Variants in TECPR1 observed in about 807,000 individuals in gnomAD.
The protein encoded by TECPR1 is tectonin beta-propeller repeat-containing protein 1.
Under a neutral mutation model 162.4 loss-of-function variants are expected in TECPR1, and 122 were observed. The ratio of observed to expected loss-of-function variants is 0.75; its 90% CI spans 0.65 to 0.87. The LOEUF (loss-of-function observed/expected upper bound fraction) is 0.87, where lower values mean the gene tolerates loss of function less well. TECPR1 is among the 40% of genes least tolerant of loss of function. TECPR1 has a pLI of 0.00. For missense variants in TECPR1, 1,432 were observed against 1,618.2 expected, an observed-to-expected ratio of 0.88 and a Z score of 1.97; for synonymous variants, 642 against 670.6, an observed-to-expected ratio of 0.96 and a Z score of 0.66.
In TECPR1 at chr7:98,229,088, G is replaced by A. The variant is rs1338786620; in HGVS notation, c.2361C>T (p.Asp787=). Residue 787 remains aspartate, a synonymous_variant, in exon 16 of 26, where the codon GAC becomes GAT. Transcript: ENST00000447648. The stretch of plus-strand genomic sequence containing the variant: ...CGCCTGTGTATACCCAGGCCGTGTG[G>A]TCATAGCCGATGCCCCACACCACGC... The part of the protein sequence containing the change: ...SRGVVWGIGY[D]HTAWVYTGGY... The A allele has an allele frequency of 6.3e-7, 1 of 1,587,588 alleles. No homozygotes were observed. The highest frequency in any genetic ancestry group is 1.8e-5 in the Admixed American group (1 of 55,760).
chr7:98,229,336 C>T (rs933284193), intron 15 of TECPR1, among the ~76,000 whole-genome samples, 170 bp from the exon 16 acceptor site: 3 of 152,186 alleles, frequency 2.0e-5, no homozygotes, highest in African/African-American at 4.8e-5. Flanking sequence ...TTAATCAACG[C>T]TAAAAAGACT....
At chr7:98,220,657 C>G (rs543243417) in intron 23 of TECPR1, among the ~76,000 whole-genome samples, 154 of 151,954 alleles carry the variant, frequency 1.0e-3, no homozygotes, top group African/African-American at 3.6e-3. Context: ...CTCTGGGGTT[C>G]ACGCCATTCT....
chr7:98,227,749 G>A (rs1365593355), intron 17 of TECPR1, among the ~76,000 whole-genome samples: 1 of 150,698 alleles, frequency 6.6e-6, no homozygotes, highest in Non-Finnish European at 1.5e-5. Context: ...TTGAACCCAG[G>A]AGGCGGAGGT....
chr7:98,231,275 C>T lies in TECPR1; in HGVS notation c.2073G>A (p.Gln691=), dbSNP rs368769153. The T allele has an allele frequency of 1.2e-5, 20 of 1,613,028 alleles. No individual in the cohort carries two copies. In the African/African-American group the frequency reaches 2.1e-4, roughly 17 times the overall value. ...CAGCAGCCAGACGCACCGGCCACCTCTGCCGTGTCCGCTCAGGGGTGTACA... is the reference window on the plus strand; with the variant it reads ...CAGCAGCCAGACGCACCGGCCACCTTTGCCGTGTCCGCTCAGGGGTGTACA... ...FALYTPERTR[Q]RWPVRLAAAT... Residue 691 remains glutamine, a synonymous_variant, in exon 14 of 26, where the codon CAG becomes CAA. Transcript: ENST00000447648.
intron 23 of TECPR1, among the ~76,000 whole-genome samples, chr7:98,219,619 CG>C (rs1484188086): frequency 1.3e-5 from 2 of 152,156 alleles, no homozygotes; most frequent in South Asian, 2.1e-4. Context: ...AGAAGATATG[CG>C]GCTGGGCGCG....
chr7:98,225,788 G>T (rs1227359897), intron 17 of TECPR1, among the ~76,000 whole-genome samples: 1 of 151,996 alleles, frequency 6.6e-6, no homozygotes, highest in African/African-American at 2.4e-5. Context: ...TGAGTAGCTG[G>T]GACCACAGAC....
rs768764030 is a variant in TECPR1 at position 98,241,266 on chromosome 7, C to T, written c.658-22G>A. The T allele has an allele frequency of 3.1e-6, 5 of 1,611,454 alleles. No homozygotes were observed. Among genetic ancestry groups the T allele is most frequent in the African/African-American group, 2.7e-5 (2 of 74,982 alleles). ...ACACCTGGGAGGCAAGACAGGGACA[C>T]AGCACCTGCATCAACTCATTCACAC... On this transcript the variant is annotated intron_variant, in intron 6 of 25. Transcript: ENST00000447648. The surrounding 1 kb of genome is among the most constrained non-coding windows in gnomAD (Gnocchi z 5.0).
At chr7:98,239,405 A>T (rs1312312576) in intron 8 of TECPR1, among the ~76,000 whole-genome samples, 1 of 151,986 alleles carries the variant, frequency 6.6e-6, no homozygotes, top group Non-Finnish European at 1.5e-5. Context: ...TACTACAAAT[A>T]CTAGTCAGGT....
intron 10 of TECPR1, among the ~76,000 whole-genome samples, chr7:98,235,523 T>TC (rs1178284565): frequency 7.7e-5 from 9 of 116,684 alleles, no homozygotes; most frequent in Non-Finnish European, 1.2e-4. Flanking sequence ...AGACTCCGTC[T>TC]AAAAAAAAAA....
rs755077077 is a variant in TECPR1, at chr7:98,231,262, G to A, written c.2086C>T (p.Arg696Cys). 5.6e-6 allele frequency: 9 copies of A among 1,612,794 alleles called. No homozygotes were observed. Among genetic ancestry groups the A allele is most frequent in the Middle Eastern group, 3.3e-4 (2 of 6,084 alleles). Residue 696 changes from arginine (R) to cysteine (C), a missense_variant, in exon 14 of 26, where the codon CGT becomes TGT. Transcript: ENST00000447648. The part of the protein sequence containing the change: ...PERTRQRWPV[R>C]LAAATEQDMN... ...TCCTGCTCGGTGGCAGCAGCCAGAC[G>A]CACCGGCCACCTCTGCCGTGTCCGC...
At chr7:98,245,535 G>A (rs1016630699) in intron 3 of TECPR1, among the ~76,000 whole-genome samples, 1 of 152,128 alleles carries the variant, frequency 6.6e-6, no homozygotes, top group Non-Finnish European at 1.5e-5. Context: ...TGCAGGGCAC[G>A]ATTATGGCTC....
Position 98,248,141 on chromosome 7 carries a change from G to A in TECPR1, c.-19-1976C>T, listed in dbSNP as rs143298149. ...CCATAGTGCTGTTGCACCCAGGGGT[G>A]TCCTTCCTGGAGTCCTGGCTCCTGA... On this transcript the variant is annotated intron_variant, in intron 2 of 25. Transcript: ENST00000447648. Among the ~76,000 whole-genome samples the A allele has an allele frequency of 3.0e-3, 460 of 152,338 alleles. 1 individual carries two copies. The highest frequency in any genetic ancestry group is 0.011 in the African/African-American group (447 of 41,586).
At chr7:98,245,332 G>A (rs1369612447) in intron 3 of TECPR1, among the ~76,000 whole-genome samples, 1 of 152,254 alleles carries the variant, frequency 6.6e-6, no homozygotes, top group Non-Finnish European at 1.5e-5. Flanking sequence ...AGGGCAGGCG[G>A]TGGAGGGCAC....
intron 2 of TECPR1, among the ~76,000 whole-genome samples, chr7:98,247,776 ACAGTGGTGCAAT>A (rs1246915325): frequency 3.3e-5 from 5 of 151,940 alleles, no homozygotes; most frequent in Non-Finnish European, 7.4e-5. Context: ...AGACTGGAGT[ACAGTGGTGCAAT>A]CATAGCTCAC....
rs771531500 is a variant in TECPR1 at position 98,231,318 on chromosome 7, G to C, written c.2030C>G (p.Thr677Ser). 9 of 1,611,850 alleles carry C rather than the reference G, an allele frequency of 5.6e-6. No individual in the cohort carries two copies. In the South Asian group the frequency reaches 9.9e-5, roughly 18 times the overall value. ...VVALVPVLNE[T>S]KHSFALYTPE... ...GGTGTACAGGGCAAAGGAGTGCTTG[G>C]TCTCGTTCAGCACTGGGACCAGCGC... Residue 677 changes from threonine (T) to serine (S), a missense_variant, in exon 14 of 26, where the codon ACC (threonine) becomes AGC (serine). Physicochemically the swap from Thr to Ser is moderately conservative, Grantham distance 58 (BLOSUM62 1). Transcript: ENST00000447648.
At chr7:98,248,663 G>A (rs1044921320) in intron 2 of TECPR1, among the ~76,000 whole-genome samples, 5 of 150,186 alleles carry the variant, frequency 3.3e-5, no homozygotes, top group African/African-American at 9.8e-5. Context: ...CCAGCATGGT[G>A]AGACTCCATC....
chr7:98,236,965 CG>C, intron 9 of TECPR1, 44 bp from the exon 10 acceptor site: 1 of 1,483,212 alleles, frequency 6.7e-7, no homozygotes. Flanking sequence ...GGCGCAGGCC[CG>C]GGGGCTCTTC....
Position 98,232,893 on chromosome 7 carries a change from C to A in TECPR1, c.1752G>T (p.Gln584His). 1 of 1,612,974 alleles carries A rather than the reference C, an allele frequency of 6.2e-7. No homozygotes were observed. Among genetic ancestry groups the A allele is most frequent in the South Asian group, 1.1e-5 (1 of 91,064 alleles). ...QTAAWRKQIF[Q>H]QLTERTKREL... ...CCCGCTTGGTCCTTTCCGTGAGCTGCTGGAAGATCTGCTTCCTCCAGGCAG... is the reference window on the plus strand; with the variant it reads ...CCCGCTTGGTCCTTTCCGTGAGCTGATGGAAGATCTGCTTCCTCCAGGCAG... The change falls in exon 12 of 26, where the codon CAG becomes CAT. Residue 584 changes from glutamine to histidine, a missense_variant. Gln to His is a conservative substitution (Grantham distance 24). Coordinates refer to ENST00000447648, the MANE Select transcript of TECPR1 (RefSeq NM_015395.3). This position sits in a 1 kb window ranked among gnomAD's most constrained non-coding sequence, Gnocchi z 4.6.
At chr7:98,228,736 G>T in intron 16 of TECPR1, 1 of 310,192 alleles carries the variant, frequency 3.2e-6, no homozygotes, top group South Asian at 8.0e-5. Flanking sequence ...GGGGGCCACA[G>T]AAGTTCAGCG....
Sources: allele counts gnomAD v4.1 joint callset (sites outside exome capture counted in the v4.1 genomes callset), GRCh38; gene constraint gnomAD v4.1.1; non-coding constraint Gnocchi (gnomAD v3.1); transcripts MANE v1.5; gene names NCBI Gene and HGNC (gene_info 2026-07-23, HGNC 2026-07-21).